Variants in PLCXD3 observed in about 807,000 individuals in gnomAD.
PLCXD3 encodes phosphatidylinositol specific phospholipase C X domain containing 3, also known as PI-PLC X domain-containing protein 3.
A neutral mutation model predicts 25.5 loss-of-function variants in PLCXD3; 19 were observed. That is an observed-to-expected ratio of 0.75 (90% CI 0.52 to 1.09). PLCXD3 has a LOEUF of 1.09. Among genes scored for constraint, PLCXD3 ranks in the 50% least tolerant of loss-of-function variants. The pLI is 0.00. For missense variants in PLCXD3, 411 were observed against 388.1 expected, an observed-to-expected ratio of 1.06 and a Z score of -0.50; for synonymous variants, 174 against 137.6, an observed-to-expected ratio of 1.26 and a Z score of -1.85.
chr5:41,478,792 G>A (rs1748333989), intron 1 of PLCXD3, among the ~76,000 whole-genome samples: 2 of 152,216 alleles, frequency 1.3e-5, no homozygotes, highest in South Asian at 2.1e-4. Flanking sequence ...TACACAGGCT[G>A]TACAGGAAGC....
chr5:41,389,592 G>A (rs1163248882), intron 1 of PLCXD3, among the ~76,000 whole-genome samples: 2 of 152,090 alleles, frequency 1.3e-5, no homozygotes, highest in African/African-American at 2.4e-5. Context: ...ACTCAAAATA[G>A]TCATGCATAT....
intron 2 of PLCXD3, among the ~76,000 whole-genome samples, chr5:41,335,229 T>C (rs58919640): frequency 0.037 from 5,570 of 152,278 alleles, 346 homozygotes; most frequent in African/African-American, 0.13. Flanking sequence ...TGGAAAAATT[T>C]CCATTTGATA....
chr5:41,508,134 C>A (rs1001874123), intron 1 of PLCXD3, among the ~76,000 whole-genome samples: 4 of 152,082 alleles, frequency 2.6e-5, no homozygotes, highest in Admixed American at 2.0e-4. Context: ...TACAGGAGAT[C>A]CATTTGAGTA....
chr5:41,315,706 A>G (rs145618906), intron 2 of PLCXD3, among the ~76,000 whole-genome samples: 12 of 152,346 alleles, frequency 7.9e-5, no homozygotes, highest in African/African-American at 2.6e-4. Flanking sequence ...AACCTCCACC[A>G]GCAATGGCCT....
intron 1 of PLCXD3, among the ~76,000 whole-genome samples, chr5:41,457,656 C>A (rs547485994): frequency 6.6e-6 from 1 of 151,970 alleles, no homozygotes; most frequent in African/African-American, 2.4e-5. Flanking sequence ...CAGAATGGTG[C>A]CCCTTAACAT....
At chr5:41,374,906 C>G (rs1269028521) in intron 2 of PLCXD3, among the ~76,000 whole-genome samples, 1 of 152,032 alleles carries the variant, frequency 6.6e-6, no homozygotes, top group Non-Finnish European at 1.5e-5. Flanking sequence ...TGACTTTAAG[C>G]CATTTGAACA....
chr5:41,489,715 T>G (rs966858604), intron 1 of PLCXD3, among the ~76,000 whole-genome samples: 2 of 152,218 alleles, frequency 1.3e-5, no homozygotes, highest in African/African-American at 4.8e-5. Context: ...GGGAGTTCAC[T>G]CATGATTTGG....
intron 1 of PLCXD3, among the ~76,000 whole-genome samples, chr5:41,421,812 T>G (rs1746835507): frequency 6.6e-6 from 1 of 152,206 alleles, no homozygotes; most frequent in South Asian, 2.1e-4. Flanking sequence ...TGAAAGAATA[T>G]TCAAACATAA....
chr5:41,462,795 A>G (rs902292995), intron 1 of PLCXD3, among the ~76,000 whole-genome samples: 2 of 151,934 alleles, frequency 1.3e-5, no homozygotes, highest in African/African-American at 4.8e-5. Context: ...AAAAAGAAAA[A>G]AAAAAGAAAA....
At chr5:41,410,290 C>T (rs956936793) in intron 1 of PLCXD3, among the ~76,000 whole-genome samples, 2 of 151,880 alleles carry the variant, frequency 1.3e-5, no homozygotes, top group African/African-American at 4.8e-5. Context: ...CAGGCGTGCG[C>T]CCCCACGCCT....
chr5:41,372,277 T>TTCTCTCTC (rs745662352), intron 2 of PLCXD3, among the ~76,000 whole-genome samples: 8 of 129,458 alleles, frequency 6.2e-5, no homozygotes, highest in African/African-American at 2.1e-4. Flanking sequence ...TATGTATTCA[T>TTCTCTCTC]TCTCTCTCTC....
intron 1 of PLCXD3, among the ~76,000 whole-genome samples, chr5:41,496,087 C>CT (rs1377866507): frequency 6.6e-6 from 1 of 151,904 alleles, no homozygotes; most frequent in Non-Finnish European, 1.5e-5. Flanking sequence ...AAAAAATCCA[C>CT]TGGAGATATT....
chr5:41,319,793 A>C (rs915483777), intron 2 of PLCXD3, among the ~76,000 whole-genome samples: 10 of 152,154 alleles, frequency 6.6e-5, no homozygotes, highest in African/African-American at 2.4e-4. Context: ...GAAATGAAAA[A>C]AATACAAAAG....
chr5:41,406,476 A>G (rs985010849), intron 1 of PLCXD3, among the ~76,000 whole-genome samples: 5 of 151,982 alleles, frequency 3.3e-5, no homozygotes, highest in African/African-American at 1.2e-4. Context: ...CCACTGTTAC[A>G]TTTCCTTATC....
intron 1 of PLCXD3, among the ~76,000 whole-genome samples, chr5:41,396,223 T>C (rs1334125588): frequency 6.6e-6 from 1 of 152,110 alleles, no homozygotes; most frequent in Non-Finnish European, 1.5e-5. Context: ...TGGGAGGTGA[T>C]TAGATTATGG....
chr5:41,478,324 TA>T (rs1293200424), intron 1 of PLCXD3, among the ~76,000 whole-genome samples: 1 of 152,208 alleles, frequency 6.6e-6, no homozygotes, highest in African/African-American at 2.4e-5. Flanking sequence ...TTCATGAGTT[TA>T]AAGCTAAAAG....
intron 1 of PLCXD3, among the ~76,000 whole-genome samples, chr5:41,503,588 T>C (rs773169559): frequency 6.6e-6 from 1 of 152,196 alleles, no homozygotes; most frequent in Non-Finnish European, 1.5e-5. Flanking sequence ...CCTATCTTCC[T>C]GTCTTAATAG....
At chr5:41,336,484 T>C (rs535645352) in intron 2 of PLCXD3, among the ~76,000 whole-genome samples, 3 of 152,286 alleles carry the variant, frequency 2.0e-5, no homozygotes, top group African/African-American at 7.2e-5. Context: ...TTTCATTTTT[T>C]CTAGTTCTGA....
chr5:41,341,470 G>C (rs996328030), intron 2 of PLCXD3, among the ~76,000 whole-genome samples: 1 of 152,144 alleles, frequency 6.6e-6, no homozygotes, highest in Non-Finnish European at 1.5e-5. Context: ...ATTTCAAAGT[G>C]CCATGCAAAT....
Sources: allele counts gnomAD v4.1 joint callset (sites outside exome capture counted in the v4.1 genomes callset), GRCh38; gene constraint gnomAD v4.1.1; transcripts MANE v1.5; gene names NCBI Gene and HGNC (gene_info 2026-07-23, HGNC 2026-07-21).